The following BAIAP2 variants were observed in gnomAD, a reference collection of about 807,000 sequenced individuals.
The protein encoded by BAIAP2 is BAR/IMD domain containing adaptor protein 2.
In BAIAP2, 18 loss-of-function variants were observed where a neutral mutation model predicts 63.0. The observed-to-expected ratio is 0.29, with a 90% CI of 0.20 to 0.42. The LOEUF is 0.42. Ranked by LOEUF, BAIAP2 falls within the 10% of genes least tolerant of loss-of-function variation. The pLI, the probability that BAIAP2 is intolerant of heterozygous loss-of-function variation, is 1.00. For synonymous variants in BAIAP2, 386 were observed against 307.6 expected (o/e 1.25, Z -2.67); for missense variants, 610 against 734.3 (o/e 0.83, Z 1.96).
rs556693730 is a variant in BAIAP2 at position 81,042,454 on chromosome 17, G to T, written c.54+7146G>T. Among the ~76,000 whole-genome samples the T allele has an allele frequency of 5.9e-5, 9 of 152,106 alleles. No homozygotes were observed. The East Asian group carries it at 1.7e-3, about 29-fold the overall frequency. On this transcript the variant is annotated intron_variant, in intron 1 of 13. Coordinates refer to ENST00000428708, the MANE Select transcript of BAIAP2 (RefSeq NM_001144888.2). ...TACATGTGTGAGCAAACGCACCCTGGTGCTTTCTTGATCAGCAGGTTTTCA... is the reference window on the plus strand; with the variant it reads ...TACATGTGTGAGCAAACGCACCCTGTTGCTTTCTTGATCAGCAGGTTTTCA...
chr17:81,057,971 A>AGGGGGGGGGGGGGGGGG lies in BAIAP2; in HGVS notation c.217+5_217+6insGGGGGGGGGGGGGGGGG. On this transcript the variant is annotated splice_donor_region_variant and intron_variant, in intron 3 of 13. Transcript: ENST00000428708. ...AGCCAGGGCTCCAAAGAACTCGGTG[A>AGGGGGGGGGGGGGGGGG]GACCCCCCCCCCCCCCCCGCCTGGT... 1.7e-5 allele frequency: 11 copies of AGGGGGGGGGGGGGGGGG among 664,786 alleles called. No individual in the cohort carries two copies. The highest frequency in any genetic ancestry group is 1.7e-5 in the Non-Finnish European group (8 of 462,410). The allele number at this position is 664,786 out of a possible 1,614,324, so 41.2% of individuals were successfully genotyped here. A position where few individuals can be genotyped will look rare whatever the true frequency, so the allele number is the denominator to read the frequency against.
intron 11 of BAIAP2, 133 bp from the exon 12 acceptor site, chr17:81,106,612 G>A (rs1010949306): frequency 3.8e-6 from 4 of 1,054,376 alleles, no homozygotes; most frequent in East Asian, 5.1e-5. Flanking sequence ...CAGGGCTGCC[G>A]CCTTGGCCTG....
intron 7 of BAIAP2, among the ~76,000 whole-genome samples, chr17:81,102,079 C>T (rs1054661925): frequency 1.3e-5 from 2 of 151,102 alleles, no homozygotes; most frequent in Admixed American, 6.6e-5. Flanking sequence ...GATGTGCCTG[C>T]GGTGGCAGCA....
chr17:81,052,421 T>C (rs1200016457), intron 1 of BAIAP2, among the ~76,000 whole-genome samples: 1 of 152,238 alleles, frequency 6.6e-6, no homozygotes, highest in Non-Finnish European at 1.5e-5. Context: ...TCACCCTTGC[T>C]GCGTCCTGGA....
At chr17:81,053,794 A>G in intron 2 of BAIAP2, 51 bp downstream of exon 2, 1 of 1,594,576 alleles carries the variant, frequency 6.3e-7, no homozygotes, top group Non-Finnish European at 8.6e-7. Context: ...CTGAGCTGGT[A>G]GAACTGCGCC....
At chr17:81,041,665 C>G (rs903044625) in intron 1 of BAIAP2, among the ~76,000 whole-genome samples, 1 of 152,130 alleles carries the variant, frequency 6.6e-6, no homozygotes. Flanking sequence ...ACCTCCGCCT[C>G]CCGGGTTCAG....
At chr17:81,042,972 C>T (rs965990468) in intron 1 of BAIAP2, among the ~76,000 whole-genome samples, 1 of 152,148 alleles carries the variant, frequency 6.6e-6, no homozygotes, top group Non-Finnish European at 1.5e-5. Context: ...CAGCCTCTGC[C>T]TCCTGGGCTC....
At chr17:81,050,392 C>T (rs2048481931) in intron 1 of BAIAP2, among the ~76,000 whole-genome samples, 1 of 148,286 alleles carries the variant, frequency 6.7e-6, no homozygotes, top group Admixed American at 6.7e-5. Context: ...TCCGTGTGAG[C>T]TCAGCTGCTG....
chr17:81,084,920 CGAG>C, intron 4 of BAIAP2, 27 bp downstream of exon 4: 1 of 1,612,124 alleles, frequency 6.2e-7, no homozygotes, highest in Non-Finnish European at 8.5e-7. Context: ...CGTGGCCCTG[CGAG>C]GAGGGGCAGG....
intron 1 of BAIAP2, among the ~76,000 whole-genome samples, chr17:81,040,982 G>A (rs149741917): frequency 2.7e-4 from 41 of 152,352 alleles, no homozygotes; most frequent in African/African-American, 8.7e-4. Context: ...TCCCCTCTAG[G>A]GGGCAGGAGG....
intron 6 of BAIAP2, among the ~76,000 whole-genome samples, chr17:81,092,215 G>A (rs2056890818): frequency 1.3e-5 from 2 of 152,262 alleles, no homozygotes; most frequent in Admixed American, 6.5e-5. Context: ...CAGGCTCCTG[G>A]GAGCTGTGAG....
chr17:81,047,639 TA>T (rs1568069089), intron 1 of BAIAP2, among the ~76,000 whole-genome samples: 1 of 60,240 alleles, frequency 1.7e-5, no homozygotes, highest in Non-Finnish European at 3.9e-5. Context: ...CACGCACAGG[TA>T]AACACGCAGC....
chr17:81,058,047 G>A lies in BAIAP2; in HGVS notation c.217+80G>A, dbSNP rs976651243. On this transcript the variant is annotated intron_variant, in intron 3 of 13. Transcript: ENST00000428708. Reference sequence around the variant, plus strand: ...CTGGGGCCCTGTCCTGTGTCCAGCCGCTTTTTGATTTGGGATCAGGTTTTG... The same window carrying A: ...CTGGGGCCCTGTCCTGTGTCCAGCCACTTTTTGATTTGGGATCAGGTTTTG... The A allele has an allele frequency of 8.8e-5, 102 of 1,159,482 alleles. 1 individual carries two copies. Among genetic ancestry groups the A allele is most frequent in the Non-Finnish European group, 1.1e-4 (94 of 840,228 alleles). 71.8% of individuals were successfully genotyped at this position (1,159,482 alleles called of 1,614,324 possible).
chr17:81,103,615 C>T lies in BAIAP2; in HGVS notation c.756C>T (p.Ala252=). The stretch of plus-strand genomic sequence containing the variant: ...TGCAGCAGGTGGCCAGCAACGGCGC[C>T]ACCCTCCCCAGCGCCCTGTCGGCCT... ...QLMQQVASNG[A]TLPSALSASK... Residue 252 remains alanine, a synonymous_variant, in exon 8 of 14, where the codon GCC becomes GCT. Coordinates refer to ENST00000428708, the MANE Select transcript of BAIAP2 (RefSeq NM_001144888.2). 1 of 1,605,730 alleles carries T rather than the reference C, an allele frequency of 6.2e-7. No homozygotes were observed. The highest frequency in any genetic ancestry group is 8.5e-7 in the Non-Finnish European group (1 of 1,179,262).
intron 1 of BAIAP2, chr17:81,037,095 G>A (rs1246087622): frequency 1.3e-6 from 1 of 772,224 alleles, no homozygotes; most frequent in Non-Finnish European, 2.1e-6. Context: ...AAATCTGCTG[G>A]CAGGAAAACT....
intron 3 of BAIAP2, among the ~76,000 whole-genome samples, chr17:81,079,479 C>T (rs976788295): frequency 6.6e-6 from 1 of 152,054 alleles, no homozygotes; most frequent in Non-Finnish European, 1.5e-5. Flanking sequence ...GACACATCAC[C>T]CGTGACACCC....
chr17:81,108,911 G>A (rs546493321), intron 13 of BAIAP2: 20 of 1,531,172 alleles, frequency 1.3e-5, no homozygotes, highest in African/African-American at 8.2e-5. Context: ...CGGACTCGCC[G>A]CCTGTGGCTG....
intron 3 of BAIAP2, among the ~76,000 whole-genome samples, chr17:81,060,328 A>G (rs569621849): frequency 7.9e-5 from 12 of 152,132 alleles, no homozygotes; most frequent in Non-Finnish European, 1.3e-4. Context: ...AAGAAATCCC[A>G]TACCCCTTAA....
At chr17:81,060,629 C>G (rs907840078) in intron 3 of BAIAP2, among the ~76,000 whole-genome samples, 1 of 152,232 alleles carries the variant, frequency 6.6e-6, no homozygotes, top group Non-Finnish European at 1.5e-5. Flanking sequence ...GTTTTCATCT[C>G]TCCTGGGCAT....
Sources: allele counts gnomAD v4.1 joint callset (sites outside exome capture counted in the v4.1 genomes callset), GRCh38; gene constraint gnomAD v4.1.1; transcripts MANE v1.5; gene names NCBI Gene and HGNC (gene_info 2026-07-23, HGNC 2026-07-21).